The following C2orf15 variants were observed in gnomAD, a reference collection of about 807,000 sequenced individuals.
C2orf15 encodes the protein chromosome 2 open reading frame 15.
In C2orf15, 3 loss-of-function variants were observed where a neutral mutation model predicts 4.4. That is an observed-to-expected ratio of 0.67 (90% confidence interval 0.31 to 1.74). C2orf15 has a LOEUF of 1.74. Ranked by LOEUF, C2orf15 falls within the 40% of genes most tolerant of loss-of-function variation. The probability of loss-of-function intolerance (pLI) is 0.09; values close to 1 mark genes in which losing one functional copy is unlikely to be tolerated. For synonymous variants in C2orf15, 37 were observed against 36.8 expected (o/e 1.00, Z -0.02); for missense variants, 90 against 103.3 (o/e 0.87, Z 0.56).
rs2093566348 is a variant in C2orf15 at position 99,141,846 on chromosome 2, CA to C, written c.-376del. The C allele has an allele frequency of 6.6e-6, 1 of 152,450 alleles. No homozygotes were observed. Among genetic ancestry groups the C allele is most frequent in the Admixed American group, 6.5e-5 (1 of 15,290 alleles). The allele number at this position is 152,450 out of a possible 1,614,324, so 9.4% of individuals were successfully genotyped here. ...TTACTCTCAGAGCTGCTTTCGGGCGCAGCTCCTGCTGCAGCCAGGGCCCGTT... is the reference window on the plus strand; with the variant it reads ...TTACTCTCAGAGCTGCTTTCGGGCGCGCTCCTGCTGCAGCCAGGGCCCGTT... On this transcript the variant is annotated 5_prime_UTR_variant, in exon 1 of 4. It removes the in-frame stop codon of an upstream open reading frame in the 5' UTR. Transcript: ENST00000650052.
rs955398001 is a variant in C2orf15, at chr2:99,141,939, T to G, written c.-286+2T>G. ...CAGGGAGCGAGCCGGCCTGTCCCGG[T>G]GAGCGTGGGCAGCCTGGAGTCAGGG... On this transcript the variant is annotated splice_donor_variant, in intron 1 of 3. Transcript: ENST00000650052. LOFTEE classifies it low-confidence loss of function (5UTR_SPLICE). 6.6e-6 allele frequency: 1 copy of G among 152,376 alleles called. No homozygotes were observed. Among genetic ancestry groups the G allele is most frequent in the Non-Finnish European group, 1.5e-5 (1 of 68,198 alleles). 9.4% of individuals were successfully genotyped at this position (152,376 alleles called of 1,614,324 possible). A position where few individuals can be genotyped will look rare whatever the true frequency, so the allele number is the denominator to read the frequency against.
In C2orf15 at chr2:99,149,788, T is replaced by C. The variant is rs757743496; in HGVS notation, c.-76-695T>C. Reference sequence around the variant, plus strand: ...AGACATCCTTAATCACAAGTATCTTTTTTTTTTTTTTTTTTTTTTTTAAGA... The same window carrying C: ...AGACATCCTTAATCACAAGTATCTTCTTTTTTTTTTTTTTTTTTTTTAAGA... On this transcript the variant is annotated intron_variant, in intron 3 of 3. Transcript: ENST00000650052. 1.7e-3 allele frequency among the ~76,000 whole-genome samples: 217 copies of C among 130,466 alleles called. 18 individuals are homozygous for C. Among genetic ancestry groups the C allele is most frequent in the East Asian group, 7.9e-3 (34 of 4,284 alleles). 85.6% of individuals were successfully genotyped at this position (130,466 alleles called of 152,430 possible).
Position 99,150,661 on chromosome 2 carries a change from G to A in C2orf15, c.103G>A (p.Glu35Lys). ...LIRGTEKSRL[E>K]PATQLFQNTK... ...ACGAGGGACTGAAAAAAGCAGGTTG[G>A]AACCAGCGACTCAGTTATTTCAAAA... Residue 35 changes from glutamate (E) to lysine (K), a missense_variant, in exon 4 of 4, where the codon GAA becomes AAA. Glu to Lys is a moderately conservative substitution (Grantham distance 56). Coordinates refer to ENST00000650052, the MANE Select transcript of C2orf15 (RefSeq NM_144706.4). 6.2e-7 allele frequency: 1 copy of A among 1,614,022 alleles called. No homozygotes were observed. The highest frequency in any genetic ancestry group is 8.5e-7 in the Non-Finnish European group (1 of 1,179,998).
At chr2:99,144,252 A>G (rs2093608935) in intron 2 of C2orf15, among the ~76,000 whole-genome samples, 1 of 151,746 alleles carries the variant, frequency 6.6e-6, no homozygotes, top group Non-Finnish European at 1.5e-5. Flanking sequence ...CGATCTCCTG[A>G]CCTCATGACC....
At chr2:99,143,662 C>A (rs993705665) in intron 2 of C2orf15, among the ~76,000 whole-genome samples, 1 of 151,670 alleles carries the variant, frequency 6.6e-6, no homozygotes, top group East Asian at 1.9e-4. Context: ...TGTAGAGATG[C>A]GGTTTCACCA....
chr2:99,144,615 C>T (rs1273171242), intron 2 of C2orf15, among the ~76,000 whole-genome samples: 5 of 119,114 alleles, frequency 4.2e-5, no homozygotes, highest in African/African-American at 1.5e-4. Flanking sequence ...TGCCATCGCC[C>T]TCCAGCCTGG....
intron 2 of C2orf15, 28 bp from the exon 3 acceptor site, chr2:99,147,374 T>C (rs2093642876): frequency 1.7e-6 from 2 of 1,193,774 alleles, no homozygotes; most frequent in African/African-American, 1.5e-5. Flanking sequence ...TCTCTTTATG[T>C]ACCTTTATTC....
chr2:99,151,109 A>T lies in C2orf15; in HGVS notation c.*275A>T. On this transcript the variant is annotated 3_prime_UTR_variant, in exon 4 of 4. Transcript: ENST00000650052. ...AAAACCAGAGTTTTTAAGTAACAGT[A>T]TTTGAATGGCATCAAAACATTTTCA... is the stretch of plus-strand genomic sequence containing the variant. 3.8e-6 allele frequency: 1 copy of T among 266,324 alleles called. No homozygotes were observed. 16.5% of individuals were successfully genotyped at this position (266,324 alleles called of 1,614,324 possible).
chr2:99,145,769 A>G (rs1045203028), intron 2 of C2orf15, among the ~76,000 whole-genome samples: 6 of 152,108 alleles, frequency 3.9e-5, no homozygotes, highest in African/African-American at 1.4e-4. Context: ...TATGTAGATA[A>G]TTTTTTTCTC....
intron 2 of C2orf15, among the ~76,000 whole-genome samples, chr2:99,146,080 C>A (rs74945539): frequency 6.6e-5 from 10 of 152,112 alleles, no homozygotes; most frequent in Non-Finnish European, 8.8e-5. Flanking sequence ...GTCAGGAATT[C>A]GAGACCAGCC....
chr2:99,142,831 A>G (rs2105117632), intron 2 of C2orf15, among the ~76,000 whole-genome samples: 1 of 152,306 alleles, frequency 6.6e-6, no homozygotes, highest in South Asian at 2.1e-4. Context: ...TAAAACTATC[A>G]GCTGGAGTTG....
chr2:99,147,477 A>G lies in C2orf15; in HGVS notation c.-93A>G. The stretch of plus-strand genomic sequence containing the variant: ...GACTTGTTCACCCTTCATGTCCTCA[A>G]CTCTGGGGAAGTTAAGGTAAGACTC... On this transcript the variant is annotated 5_prime_UTR_variant, in exon 3 of 4. Transcript: ENST00000650052. 2.5e-6 allele frequency: 4 copies of G among 1,613,868 alleles called. 1 individual carries two copies. In the South Asian group the frequency reaches 4.4e-5, roughly 18 times the overall value.
At chr2:99,145,790 A>C (rs1171780587) in intron 2 of C2orf15, among the ~76,000 whole-genome samples, 1 of 152,202 alleles carries the variant, frequency 6.6e-6, no homozygotes, top group Admixed American at 6.5e-5. Context: ...TGATATGGGA[A>C]GCAACTAGAG....
intron 1 of C2orf15, 135 bp from the exon 2 acceptor site, chr2:99,142,150 T>G (rs2093572119): frequency 6.6e-6 from 1 of 152,256 alleles, no homozygotes; most frequent in Non-Finnish European, 1.5e-5. Flanking sequence ...CGCTGCATTC[T>G]TCTACCAATT....
rs371114355 is a variant in C2orf15 at position 99,150,563 on chromosome 2, G to T, written c.5G>T (p.Gly2Val). 4.3e-6 allele frequency: 7 copies of T among 1,612,858 alleles called. No homozygotes were observed. Among genetic ancestry groups the T allele is most frequent in the East Asian group, 2.2e-5 (1 of 44,812 alleles). The change falls in exon 4 of 4, where the codon GGA (glycine) becomes GTA (valine). Residue 2 changes from glycine (G) to valine (V), a missense_variant. Gly to Val is a moderately radical substitution (Grantham distance 109). Transcript: ENST00000650052. M[G>V]FSLSKSATQV... ...CACATTTGTTCAGCTATCCTAATGG[G>T]ATTTTCACTTAGTAAATCTGCTACT...
At chr2:99,145,628 C>A (rs1405771561) in intron 2 of C2orf15, among the ~76,000 whole-genome samples, 2 of 151,966 alleles carry the variant, frequency 1.3e-5, no homozygotes, top group Admixed American at 6.6e-5. Flanking sequence ...AATTTTCCCA[C>A]CCTCAGAGTC....
intron 2 of C2orf15, among the ~76,000 whole-genome samples, chr2:99,145,279 C>G (rs2093620361): frequency 6.6e-6 from 1 of 152,144 alleles, no homozygotes; most frequent in African/African-American, 2.4e-5. Flanking sequence ...TCTTGTGTGG[C>G]AGGTGCGGTG....
At chr2:99,142,907 T>G (rs2093586466) in intron 2 of C2orf15, among the ~76,000 whole-genome samples, 1 of 152,046 alleles carries the variant, frequency 6.6e-6, no homozygotes, top group Non-Finnish European at 1.5e-5. Context: ...ATAGAAAGAA[T>G]AAGAAAAGTT....
intron 3 of C2orf15, among the ~76,000 whole-genome samples, chr2:99,149,604 G>A (rs548190398): frequency 2.7e-5 from 4 of 148,980 alleles, no homozygotes; most frequent in South Asian, 2.1e-4. Context: ...CACCACGCCC[G>A]GCTAATTCTT....
Sources: allele counts gnomAD v4.1 joint callset (sites outside exome capture counted in the v4.1 genomes callset), GRCh38; gene constraint gnomAD v4.1.1; transcripts MANE v1.5; gene names NCBI Gene and HGNC (gene_info 2026-07-23, HGNC 2026-07-21).